ANKMY2: variants seen among roughly 807,000 people sequenced by gnomAD.
The protein encoded by ANKMY2 is ankyrin repeat and MYND domain containing 2.
Under a neutral mutation model 50.4 loss-of-function variants are expected in ANKMY2, and 36 were observed. The observed-to-expected ratio is 0.71, with a 90% CI of 0.55 to 0.94. The LOEUF is 0.94. ANKMY2 is among the 40% of genes least tolerant of loss of function. The pLI, the probability that ANKMY2 is intolerant of heterozygous loss-of-function variation, is 0.00. For synonymous variants in ANKMY2, 187 were observed against 178.8 expected (o/e 1.05, Z -0.36); for missense variants, 565 against 524.0 (o/e 1.08, Z -0.76).
chr7:16,609,421 C>T (rs1368889268), intron 7 of ANKMY2, among the ~76,000 whole-genome samples: 1 of 152,096 alleles, frequency 6.6e-6, no homozygotes, highest in Non-Finnish European at 1.5e-5. Context: ...GTTTATGAAA[C>T]TATGAACCAT....
In ANKMY2 at chr7:16,600,891, T is replaced by A. The variant is rs1347696232; in HGVS notation, c.1196A>T (p.Glu399Val). 6.2e-7 allele frequency: 1 copy of A among 1,612,112 alleles called. No individual in the cohort carries two copies. The highest frequency in any genetic ancestry group is 8.5e-7 in the Non-Finnish European group (1 of 1,179,136). The stretch of plus-strand genomic sequence containing the variant: ...GGAATCCTTTTGAGAGATACCTACT[T>A]CAGCCTCTGGTTGCTCTTCATTAAC... ...NCVNEEQPEAEVGISQKDSNP... is the reference protein window; with the variant it reads ...NCVNEEQPEAVVGISQKDSNP... The change falls in exon 10 of 10, where the codon GAA becomes GTA. Residue 399 changes from glutamate to valine, a missense_variant. By Grantham distance (121) the Glu-to-Val change is moderately radical (BLOSUM62 -2). Transcript: ENST00000306999.
intron 2 of ANKMY2, among the ~76,000 whole-genome samples, chr7:16,629,972 T>C (rs1210640068): frequency 3.3e-5 from 5 of 152,192 alleles, no homozygotes; most frequent in Admixed American, 6.5e-5. Context: ...AGTGTTTTTA[T>C]AGTATTTCAG....
intron 5 of ANKMY2, among the ~76,000 whole-genome samples, chr7:16,612,408 A>G (rs929133460): frequency 6.6e-6 from 1 of 152,356 alleles, no homozygotes; most frequent in East Asian, 1.9e-4. Context: ...AAGTTATTAG[A>G]CTTAATGAAG....
chr7:16,641,301 G>C (rs750560131), intron 1 of ANKMY2, among the ~76,000 whole-genome samples: 1 of 152,100 alleles, frequency 6.6e-6, no homozygotes, highest in Non-Finnish European at 1.5e-5. Flanking sequence ...TTGAAATCGT[G>C]AATTTGTGCG....
chr7:16,643,478 C>T (rs1215890933), intron 1 of ANKMY2, among the ~76,000 whole-genome samples: 1 of 152,240 alleles, frequency 6.6e-6, no homozygotes, highest in Non-Finnish European at 1.5e-5. Flanking sequence ...ACTAGGTCCA[C>T]ATCAGTTCTT....
chr7:16,641,403 G>A (rs6976832), intron 1 of ANKMY2, among the ~76,000 whole-genome samples: 119,454 of 152,230 alleles, frequency 0.78, 47,092 homozygotes, highest in African/African-American at 0.83. Context: ...TATAAAATTG[G>A]GAGTATCTAA....
chr7:16,603,600 C>T, intron 8 of ANKMY2: 1 of 471,024 alleles, frequency 2.1e-6, no homozygotes, highest in Non-Finnish European at 4.4e-6. Flanking sequence ...ATTATTGGCC[C>T]CAATTCTTCA....
In ANKMY2 at chr7:16,605,538, C is replaced by T. The variant is rs546848782; in HGVS notation, c.883-689G>A. ...TTTTTTTGAGATGGAGTCTCTGTCA[C>T]CCGGCTGGAGGTGCAGTGGCTCGAT... On this transcript the variant is annotated intron_variant, in intron 7 of 9. Coordinates refer to ENST00000306999, the MANE Select transcript of ANKMY2 (RefSeq NM_020319.3). Among the ~76,000 whole-genome samples the T allele has an allele frequency of 3.9e-5, 6 of 152,114 alleles. No individual in the cohort carries two copies. The East Asian group carries it at 9.7e-4, about 24-fold the overall frequency.
chr7:16,634,177 A>G (rs1781624753), intron 2 of ANKMY2, among the ~76,000 whole-genome samples: 1 of 152,216 alleles, frequency 6.6e-6, no homozygotes, highest in South Asian at 2.1e-4. Context: ...ACTTCTAATT[A>G]ATTAAAATTA....
intron 2 of ANKMY2, among the ~76,000 whole-genome samples, chr7:16,631,340 G>A (rs903663488): frequency 3.9e-5 from 6 of 152,250 alleles, no homozygotes; most frequent in Non-Finnish European, 5.9e-5. Context: ...TTTTGCCTCT[G>A]TATTTATAAA....
chr7:16,623,459 T>C (rs1781469789), intron 4 of ANKMY2, among the ~76,000 whole-genome samples: 2 of 152,162 alleles, frequency 1.3e-5, no homozygotes, highest in African/African-American at 4.8e-5. Context: ...CCTGTGATCT[T>C]GGGAAATTTT....
At chr7:16,632,261 G>C (rs1781600130) in intron 2 of ANKMY2, among the ~76,000 whole-genome samples, 1 of 151,752 alleles carries the variant, frequency 6.6e-6, no homozygotes, top group Non-Finnish European at 1.5e-5. Flanking sequence ...AATTCATATA[G>C]CATACAATTT....
intron 1 of ANKMY2, chr7:16,644,493 G>T (rs531831139): frequency 3.1e-6 from 1 of 327,468 alleles, no homozygotes; most frequent in African/African-American, 2.3e-5. Flanking sequence ...ATTTCAGCCT[G>T]GCTACTAAGT....
chr7:16,625,755 C>T (rs958777990), intron 3 of ANKMY2, among the ~76,000 whole-genome samples: 19 of 152,130 alleles, frequency 1.2e-4, no homozygotes, highest in African/African-American at 4.1e-4. Flanking sequence ...GTTGGACTGA[C>T]ATGCACTCCC....
intron 5 of ANKMY2, among the ~76,000 whole-genome samples, chr7:16,613,195 T>G (rs1022841191): frequency 6.6e-6 from 1 of 152,162 alleles, no homozygotes; most frequent in African/African-American, 2.4e-5. Context: ...TGAAAACAAA[T>G]GCATCCTTAT....
At chr7:16,640,768 T>C (rs1488663580) in intron 1 of ANKMY2, among the ~76,000 whole-genome samples, 2 of 152,140 alleles carry the variant, frequency 1.3e-5, no homozygotes, top group African/African-American at 4.8e-5. Flanking sequence ...CAAGTGATCC[T>C]CTTGGATCCT....
chr7:16,625,319 T>C (rs780772791), intron 3 of ANKMY2, among the ~76,000 whole-genome samples: 7 of 152,244 alleles, frequency 4.6e-5, no homozygotes, highest in Non-Finnish European at 7.3e-5. Context: ...CAGTATGGAA[T>C]TGAATACTGC....
rs1781336892 is a variant in ANKMY2, at chr7:16,615,828, T to C, written c.447A>G (p.Gly149=). The stretch of plus-strand genomic sequence containing the variant: ...GGGGCAGTTTTGGCTCTTTATCCAG[T>C]CCCTGGGGCTTAGTGTAATAATCCA... ...ERLDYYTKPQ[G]LDKEPKLPPK... Residue 149 remains glycine, a synonymous_variant, in exon 5 of 10, where the codon GGA becomes GGG. Coordinates refer to ENST00000306999, the MANE Select transcript of ANKMY2 (RefSeq NM_020319.3). The C allele has an allele frequency of 6.2e-7, 1 of 1,614,174 alleles. No individual in the cohort carries two copies. Among genetic ancestry groups the C allele is most frequent in the East Asian group, 2.2e-5 (1 of 44,882 alleles).
Position 16,645,682 on chromosome 7 carries a change from A to C in ANKMY2, c.-109T>G. On this transcript the variant is annotated 5_prime_UTR_variant, in exon 1 of 10. Coordinates refer to ENST00000306999, the MANE Select transcript of ANKMY2 (RefSeq NM_020319.3). ...CAATGAGGCAACTTGAGACCAAGACACTGAGTAGCCAACCGCGGAAACGCT... is the reference window on the plus strand; with the variant it reads ...CAATGAGGCAACTTGAGACCAAGACCCTGAGTAGCCAACCGCGGAAACGCT... 5.0e-6 allele frequency: 6 copies of C among 1,211,150 alleles called. No homozygotes were observed. The South Asian group carries it at 9.1e-5, about 18-fold the overall frequency. 75.0% of individuals were successfully genotyped at this position (1,211,150 alleles called of 1,614,324 possible).
Sources: gnomAD v4.1 joint callset for allele counts (sites outside exome capture counted in the v4.1 genomes callset) on GRCh38, gnomAD v4.1.1 for gene constraint, MANE v1.5 for transcripts, NCBI Gene and HGNC (gene_info 2026-07-23, HGNC 2026-07-21) for gene names.